The following GRIP2 variants were observed in gnomAD, a reference collection of about 807,000 sequenced individuals.
The protein encoded by GRIP2 is glutamate receptor interacting protein 2.
A neutral mutation model predicts 108.3 loss-of-function variants in GRIP2; 58 were observed. That is an observed-to-expected ratio of 0.54 (90% CI 0.43 to 0.67). The LOEUF is 0.67. Ranked by LOEUF, GRIP2 falls within the 30% of genes least tolerant of loss-of-function variation. The pLI, the probability that GRIP2 is intolerant of heterozygous loss-of-function variation, is 0.00. For missense variants in GRIP2, 1,278 were observed against 1,430.6 expected, an observed-to-expected ratio of 0.89 and a Z score of 1.72; for synonymous variants, 586 against 598.2, an observed-to-expected ratio of 0.98 and a Z score of 0.30.
chr3:14,552,591 G>A (rs1468441160), intron 1 of GRIP2, among the ~76,000 whole-genome samples: 3 of 150,092 alleles, frequency 2.0e-5, no homozygotes, highest in Non-Finnish European at 3.0e-5. Context: ...ATGGTCTGTA[G>A]ACCACAGCCA....
intron 1 of GRIP2, among the ~76,000 whole-genome samples, chr3:14,538,953 C>T (rs563186846): frequency 1.3e-5 from 2 of 152,320 alleles, no homozygotes; most frequent in African/African-American, 2.4e-5. Context: ...GCACTGCTGC[C>T]TTTGTGGCCC....
chr3:14,587,918 A>G, the GRIP2 span, among the ~76,000 whole-genome samples: 1 of 152,262 alleles, frequency 6.6e-6, no homozygotes, highest in East Asian at 1.9e-4. Flanking sequence ...TCTATAAAAA[A>G]TGTGCATTCC....
At chr3:14,539,797 G>C (rs933571561) in intron 1 of GRIP2, among the ~76,000 whole-genome samples, 1 of 152,084 alleles carries the variant, frequency 6.6e-6, no homozygotes, top group Non-Finnish European at 1.5e-5. Context: ...CCAAACCAGA[G>C]TTTCTCCTCC....
At chr3:14,559,651 T>G (rs1695288489), upstream of GRIP2, among the ~76,000 whole-genome samples, 2 of 151,918 alleles carry the variant, frequency 1.3e-5, no homozygotes. Context: ...TGTTCAGAGC[T>G]AATTTGGGAG....
upstream of GRIP2, among the ~76,000 whole-genome samples, chr3:14,543,533 G>T (rs1348912203): frequency 6.6e-6 from 1 of 152,248 alleles, no homozygotes; most frequent in Non-Finnish European, 1.5e-5. Context: ...GACATGAGAA[G>T]AGGCAAAGCT....
chr3:14,578,460 T>C, the GRIP2 span, among the ~76,000 whole-genome samples: 1 of 152,212 alleles, frequency 6.6e-6, no homozygotes, highest in Non-Finnish European at 1.5e-5. Context: ...CCCACGTCTG[T>C]AATCCTAGCA....
upstream of GRIP2, among the ~76,000 whole-genome samples, chr3:14,544,254 G>A (rs892906841): frequency 1.3e-5 from 2 of 152,196 alleles, no homozygotes; most frequent in Non-Finnish European, 1.5e-5. Context: ...CAGGCCTGCA[G>A]GTCCCTCACA....
At position 14,511,310 on chromosome 3, in the gene GRIP2, C is replaced by T. The variant is rs745507573; in HGVS notation, c.1788G>A (p.Arg596=). ...TGTCGCCTGGCTCCAGGGTGCCCGT[C>T]CTGCATGAGTCGGGGGCAGAGGGGA... is the stretch of plus-strand genomic sequence containing the variant. ...SDIKKGSVAH[R]TGTLEPGDKL... is the part of the protein sequence containing the mutation. Residue 596 remains arginine (R), a splice_region_variant and synonymous_variant, in exon 16 of 24, where the codon AGG becomes AGA. Transcript: ENST00000621039. The surrounding 1 kb of genome is among the most constrained non-coding windows in gnomAD (Gnocchi z 4.1). The T allele has an allele frequency of 1.1e-5, 18 of 1,613,876 alleles. No individual in the cohort carries two copies. Among genetic ancestry groups the T allele is most frequent in the Non-Finnish European group, 1.5e-5 (18 of 1,179,880 alleles).
At position 14,511,519 on chromosome 3, in the gene GRIP2, C is replaced by T; in HGVS notation, c.1721-40G>A. The T allele has an allele frequency of 6.2e-7, 1 of 1,605,630 alleles. No individual in the cohort carries two copies. Among genetic ancestry groups the T allele is most frequent in the Non-Finnish European group, 8.5e-7 (1 of 1,175,064 alleles). On this transcript the variant is annotated intron_variant, in intron 14 of 23. Transcript: ENST00000621039. The surrounding 1 kb of genome is among the most constrained non-coding windows in gnomAD (Gnocchi z 4.1). ...GCCATGAATCTGACCTTGGTGGCCT[C>T]AGCCTGGGGTGGGGTGGCGAAGCCC...
At chr3:14,514,913 A>C (rs1398223980) in intron 11 of GRIP2, among the ~76,000 whole-genome samples, 1 of 152,258 alleles carries the variant, frequency 6.6e-6, no homozygotes, top group African/African-American at 2.4e-5. Context: ...GTGTATTCAC[A>C]ATTATGCAAA....
At position 14,514,411 on chromosome 3, in the gene GRIP2, C is replaced by A; in HGVS notation, c.1374G>T (p.Val458=). Residue 458 remains valine, a synonymous_variant, in exon 12 of 24, where the codon GTG becomes GTT. Coordinates refer to ENST00000621039, the MANE Select transcript of GRIP2 (RefSeq NM_001080423.4). The part of the protein sequence containing the change: ...QIVHTETTEV[V]LCGDPLSGFG... Reference sequence around the variant, plus strand: ...AGCCGCTGAGGGGGTCTCCACAGAGCACGACCTCCGTGGTCTCCGTGTGCA... The same window carrying A: ...AGCCGCTGAGGGGGTCTCCACAGAGAACGACCTCCGTGGTCTCCGTGTGCA... 6.3e-7 allele frequency: 1 copy of A among 1,575,094 alleles called. No homozygotes were observed. Among genetic ancestry groups the A allele is most frequent in the Non-Finnish European group, 8.6e-7 (1 of 1,161,714 alleles).
chr3:14,518,868 C>T (rs1694329239), intron 9 of GRIP2, among the ~76,000 whole-genome samples: 1 of 152,212 alleles, frequency 6.6e-6, no homozygotes, highest in Non-Finnish European at 1.5e-5. Context: ...AGAGTGGCCA[C>T]CTCCTCGGGT....
At chr3:14,554,386 C>G (rs553508100) in intron 1 of GRIP2, among the ~76,000 whole-genome samples, 4 of 152,230 alleles carry the variant, frequency 2.6e-5, no homozygotes, top group Admixed American at 6.5e-5. Flanking sequence ...GTCCCTCCAG[C>G]CTGGGAGGAT....
At chr3:14,557,168 C>A (rs1695248728), upstream of GRIP2, among the ~76,000 whole-genome samples, 1 of 152,204 alleles carries the variant, frequency 6.6e-6, no homozygotes, top group South Asian at 2.1e-4. Flanking sequence ...CTCTGGAATC[C>A]TTTGGCCTAG....
At chr3:14,534,936 G>T (rs1226762692) in intron 1 of GRIP2, among the ~76,000 whole-genome samples, 1 of 152,258 alleles carries the variant, frequency 6.6e-6, no homozygotes, top group African/African-American at 2.4e-5. Flanking sequence ...AAGAAGCGTG[G>T]GGGAGTGGGT....
chr3:14,572,744 G>C, the GRIP2 span: 31 of 530,186 alleles, frequency 5.8e-5, no homozygotes, highest in Non-Finnish European at 8.1e-5. Context: ...AAACAGGCCA[G>C]TTCCCACATG....
chr3:14,531,098 A>G (rs1384606668), intron 1 of GRIP2: 1 of 152,210 alleles, frequency 6.6e-6, no homozygotes, highest in Non-Finnish European at 1.5e-5. Flanking sequence ...CGTATTCTGA[A>G]CTTTTAAATT....
At chr3:14,495,104 A>G (rs904205577) in intron 22 of GRIP2, 115 bp from the exon 23 acceptor site, 2 of 1,323,636 alleles carry the variant, frequency 1.5e-6, no homozygotes, top group East Asian at 2.4e-5. Context: ...CACACCCCCC[A>G]GGCTGCAGCA....
the GRIP2 span, chr3:14,573,980 T>C: frequency 1.2e-5 from 13 of 1,102,172 alleles, no homozygotes; most frequent in Admixed American, 5.7e-5. Context: ...GATCCTGGCA[T>C]ATGCAAGGCG....
Sources: allele counts gnomAD v4.1 joint callset (sites outside exome capture counted in the v4.1 genomes callset), GRCh38; gene constraint gnomAD v4.1.1; non-coding constraint Gnocchi (gnomAD v3.1); transcripts MANE v1.5; gene names NCBI Gene and HGNC (gene_info 2026-07-23, HGNC 2026-07-21).